The following DTWD2 variants were observed in gnomAD, a reference collection of about 807,000 sequenced individuals.
DTWD2 encodes the protein tRNA-uridine aminocarboxypropyltransferase 2.
Under a neutral mutation model 31.8 loss-of-function variants are expected in DTWD2, and 39 were observed. The observed-to-expected ratio is 1.22, with a 90% CI of 0.95 to 1.60. The LOEUF (loss-of-function observed/expected upper bound fraction) is 1.60, where lower values mean the gene tolerates loss of function less well. DTWD2 is among the 40% of genes most tolerant of loss of function. The pLI is 0.00. For missense variants in DTWD2, 515 were observed against 381.5 expected (o/e 1.35, Z -2.92); for synonymous variants, 180 against 142.8 (o/e 1.26, Z -1.86).
chr5:118,932,141 AAC>A (rs1421375055), intron 3 of DTWD2, among the ~76,000 whole-genome samples: 1 of 152,010 alleles, frequency 6.6e-6, no homozygotes, highest in Non-Finnish European at 1.5e-5. Flanking sequence ...CCTGAAAATC[AAC>A]AGTCTGAGCT....
intron 4 of DTWD2, among the ~76,000 whole-genome samples, chr5:118,849,391 G>A (rs1266455435): frequency 1.3e-5 from 2 of 152,120 alleles, no homozygotes; most frequent in South Asian, 2.1e-4. Context: ...TACTAGAGAG[G>A]ATCTGGAGAA....
chr5:118,852,159 T>C (rs1354691369), intron 4 of DTWD2, among the ~76,000 whole-genome samples: 1 of 152,234 alleles, frequency 6.6e-6, no homozygotes, highest in Non-Finnish European at 1.5e-5. Context: ...ATGGCTCTTT[T>C]TGCCCAACCC....
chr5:118,918,801 A>T (rs1261550691), intron 4 of DTWD2, among the ~76,000 whole-genome samples: 3 of 151,882 alleles, frequency 2.0e-5, no homozygotes, highest in Admixed American at 6.6e-5. Flanking sequence ...CAGCCTGGGC[A>T]ACGTGGTAAG....
chr5:118,895,541 G>A (rs1455902443), intron 4 of DTWD2, among the ~76,000 whole-genome samples: 3 of 152,112 alleles, frequency 2.0e-5, no homozygotes, highest in Non-Finnish European at 4.4e-5. Context: ...CACAAAAGAT[G>A]GTGAATAGCT....
At chr5:118,970,678 C>A (rs1350122150) in intron 1 of DTWD2, among the ~76,000 whole-genome samples, 2 of 152,060 alleles carry the variant, frequency 1.3e-5, no homozygotes, top group African/African-American at 4.8e-5. Flanking sequence ...TACCCCAAGA[C>A]ACGTAATCAA....
intron 4 of DTWD2, among the ~76,000 whole-genome samples, chr5:118,882,828 A>T (rs1166824790): frequency 6.6e-6 from 1 of 152,158 alleles, no homozygotes; most frequent in African/African-American, 2.4e-5. Context: ...AACCATTCAT[A>T]GGAAAGTCTG....
At chr5:118,942,098 G>C (rs1053267454) in intron 2 of DTWD2, among the ~76,000 whole-genome samples, 7 of 152,132 alleles carry the variant, frequency 4.6e-5, no homozygotes, top group African/African-American at 1.7e-4. Flanking sequence ...CAGATGAGTA[G>C]ATTGCAAAAA....
intron 2 of DTWD2, among the ~76,000 whole-genome samples, chr5:118,940,037 G>C (rs1308125098): frequency 1.3e-5 from 2 of 152,170 alleles, no homozygotes; most frequent in East Asian, 3.8e-4. Context: ...CCTCCCACTT[G>C]AGTGTGGGCT....
chr5:118,888,413 G>C, intron 4 of DTWD2, among the ~76,000 whole-genome samples: 1 of 152,134 alleles, frequency 6.6e-6, no homozygotes. Flanking sequence ...ACATTCACCT[G>C]TGTTATAGTG....
intron 1 of DTWD2, among the ~76,000 whole-genome samples, chr5:118,968,862 TTAACACCCACTGG>T (rs1432520322): frequency 2.0e-5 from 3 of 152,138 alleles, no homozygotes; most frequent in African/African-American, 7.2e-5. Context: ...ACCTCACATG[TTAACACCCACTGG>T]CTTGGAATTC....
chr5:118,977,727 A>T (rs1455071704), intron 1 of DTWD2, among the ~76,000 whole-genome samples: 8 of 152,264 alleles, frequency 5.3e-5, no homozygotes, highest in Non-Finnish European at 1.2e-4. Flanking sequence ...GCTCACGGAC[A>T]GGAAGAATCA....
At chr5:118,898,707 A>G (rs1238097270) in intron 4 of DTWD2, among the ~76,000 whole-genome samples, 1 of 152,048 alleles carries the variant, frequency 6.6e-6, no homozygotes, top group Non-Finnish European at 1.5e-5. Flanking sequence ...TTAAAATCTA[A>G]TAAAGCTTGG....
intron 4 of DTWD2, among the ~76,000 whole-genome samples, chr5:118,852,058 A>T (rs926925439): frequency 1.3e-5 from 2 of 152,140 alleles, no homozygotes; most frequent in Non-Finnish European, 2.9e-5. Context: ...TTCCTAGAGT[A>T]TTAATATCAA....
intron 1 of DTWD2, among the ~76,000 whole-genome samples, chr5:118,945,516 G>A (rs1435842486): frequency 6.6e-6 from 1 of 152,116 alleles, no homozygotes; most frequent in Non-Finnish European, 1.5e-5. Flanking sequence ...TGTAATCCCA[G>A]CACTTTGGGA....
At chr5:118,957,396 AT>A (rs1247657210) in intron 1 of DTWD2, among the ~76,000 whole-genome samples, 1 of 151,744 alleles carries the variant, frequency 6.6e-6, no homozygotes, top group Non-Finnish European at 1.5e-5. Context: ...TAATTTTTGT[AT>A]TTTTAGTAGA....
chr5:118,939,280 A>C lies in DTWD2; in HGVS notation c.320T>G (p.Val107Gly), dbSNP rs1554068452. The C allele has an allele frequency of 1.9e-6, 3 of 1,573,624 alleles. No homozygotes were observed. Among genetic ancestry groups the C allele is most frequent in the Admixed American group, 3.7e-5 (2 of 53,468 alleles). The change falls in exon 3 of 6, where the codon GTG (valine) becomes GGG (glycine). Residue 107 changes from valine (V) to glycine (G), a missense_variant. Coordinates refer to ENST00000510708, the MANE Select transcript of DTWD2 (RefSeq NM_173666.4). ...IIQHPAEENK[V>G]LRTVPLLAAC... ...TGCTAGTAGAGGAACTGTACGCAACACTTTGTTTTCCTTTAATTAAAAAAT... is the reference window on the plus strand; with the variant it reads ...TGCTAGTAGAGGAACTGTACGCAACCCTTTGTTTTCCTTTAATTAAAAAAT...
rs1348664873 is a variant in DTWD2 at position 118,836,253 on chromosome 5, T to G, written c.*4664A>C. The stretch of plus-strand genomic sequence containing the variant: ...ATCTTATTTTTATTTATTTATTTAT[T>G]TATTTGAGACACTGTCTCACTCTGT... On this transcript the variant is annotated 3_prime_UTR_variant, in exon 6 of 6. Transcript: ENST00000510708. 6.6e-6 allele frequency among the ~76,000 whole-genome samples: 1 copy of G among 152,174 alleles called. No individual in the cohort carries two copies. The highest frequency in any genetic ancestry group is 1.9e-4 in the East Asian group (1 of 5,198).
chr5:118,976,562 C>G (rs1580452350), intron 1 of DTWD2, among the ~76,000 whole-genome samples: 1 of 152,160 alleles, frequency 6.6e-6, no homozygotes, highest in East Asian at 1.9e-4. Context: ...CTCTAAACAC[C>G]TCTACACACA....
At chr5:118,883,314 T>C (rs1273960175) in intron 4 of DTWD2, among the ~76,000 whole-genome samples, 1 of 152,174 alleles carries the variant, frequency 6.6e-6, no homozygotes, top group Non-Finnish European at 1.5e-5. Flanking sequence ...GTCAAAACCA[T>C]TCAACAAGTC....
Sources: gnomAD v4.1 joint callset for allele counts (sites outside exome capture counted in the v4.1 genomes callset) on GRCh38, gnomAD v4.1.1 for gene constraint, MANE v1.5 for transcripts, NCBI Gene and HGNC (gene_info 2026-07-23, HGNC 2026-07-21) for gene names.